The following DDX42 variants were observed in gnomAD, a reference collection of about 807,000 sequenced individuals.
The protein encoded by DDX42 is DEAD-box helicase 42, also known as ATP-dependent RNA helicase DDX42.
In DDX42, 22 loss-of-function variants were observed where a neutral mutation model predicts 101.5. That is an observed-to-expected ratio of 0.22 (90% CI 0.15 to 0.31). DDX42 has a LOEUF of 0.31. Among genes scored for constraint, DDX42 ranks in the 10% least tolerant of loss-of-function variants. The pLI, the probability that DDX42 is intolerant of heterozygous loss-of-function variation, is 1.00. For missense variants in DDX42, 849 were observed against 1,199.9 expected (o/e 0.71, Z 4.32); for synonymous variants, 402 against 401.2 (o/e 1.00, Z -0.02).
chr17:63,816,871 C>A lies in DDX42; in HGVS notation c.2017C>A (p.Arg673=). The A allele has an allele frequency of 1.2e-6, 2 of 1,610,190 alleles. No homozygotes were observed. Among genetic ancestry groups the A allele is most frequent in the South Asian group, 1.1e-5 (1 of 90,542 alleles). Residue 673 remains arginine, a synonymous_variant, in exon 17 of 18, where the codon CGA becomes AGA. Coordinates refer to ENST00000389924, the MANE Select transcript of DDX42 (RefSeq NM_203499.3). ...ATAGATGTGTTTATTTTTTTAGGAT[C>A]GAGGAAATAACAATGTAATGAGCAA... The part of the protein sequence containing the change: ...RPGLGSENMD[R]GNNNVMSNYE...
chr17:63,816,460 C>T (rs987988739), intron 16 of DDX42: 2 of 157,668 alleles, frequency 1.3e-5, no homozygotes, highest in Admixed American at 6.4e-5. Flanking sequence ...GCTGAGGCAC[C>T]TAAGGTTACA....
chr17:63,790,074 G>C (rs2039606982), intron 2 of DDX42, among the ~76,000 whole-genome samples: 1 of 152,086 alleles, frequency 6.6e-6, no homozygotes, highest in Non-Finnish European at 1.5e-5. Context: ...CTTGAGCCCA[G>C]GAGTCTGAGC....
In DDX42 at chr17:63,805,126, A is replaced by G. The variant is rs777722604; in HGVS notation, c.677A>G (p.Asn226Ser). Reference sequence around the variant, plus strand: ...TACAATGAGCATGAAGAGATAACCAACCTCACTCCACAGCAGTTAATAGAT... The same window carrying G: ...TACAATGAGCATGAAGAGATAACCAGCCTCACTCCACAGCAGTTAATAGAT... ...NFYNEHEEITNLTPQQLIDLR... is the reference protein window; with the variant it reads ...NFYNEHEEITSLTPQQLIDLR... Residue 226 changes from asparagine (N) to serine (S), a missense_variant, in exon 7 of 18, where the codon AAC becomes AGC. Asn to Ser is a conservative substitution (Grantham distance 46). Transcript: ENST00000389924. 2.5e-5 allele frequency: 41 copies of G among 1,613,202 alleles called. No homozygotes were observed. Among genetic ancestry groups the G allele is most frequent in the African/African-American group, 1.9e-4 (14 of 74,870 alleles).
At chr17:63,809,017 G>T (rs1018654210) in intron 10 of DDX42, 69 bp downstream of exon 10, 68 of 1,579,744 alleles carry the variant, frequency 4.3e-5, no homozygotes, top group Non-Finnish European at 5.6e-5. Context: ...TAGTTTTGCA[G>T]AGAATTTCCC....
chr17:63,805,218 T>C, intron 7 of DDX42, 43 bp downstream of exon 7: 1 of 1,592,158 alleles, frequency 6.3e-7, no homozygotes, highest in Non-Finnish European at 8.5e-7. Context: ...TAATGTTAAT[T>C]AGTCCAGATT....
chr17:63,787,903 T>TG, intron 2 of DDX42, among the ~76,000 whole-genome samples: 1 of 99,440 alleles, frequency 1.0e-5, no homozygotes, highest in African/African-American at 6.1e-5. Flanking sequence ...ATAATTCATG[T>TG]GGTTTTTTTT....
intron 12 of DDX42, 135 bp downstream of exon 12, chr17:63,810,695 G>GT: frequency 1.2e-6 from 1 of 825,976 alleles, no homozygotes; most frequent in Admixed American, 2.2e-5. Flanking sequence ...GAGGTAATGA[G>GT]TTTATCTGAG....
intron 13 of DDX42, 35 bp downstream of exon 13, chr17:63,811,208 G>T: frequency 6.9e-7 from 1 of 1,448,748 alleles, no homozygotes; most frequent in Non-Finnish European, 9.5e-7. Flanking sequence ...GACCTTAATG[G>T]GTTTATTTCT....
At chr17:63,782,894 C>G (rs891015120) in intron 1 of DDX42, among the ~76,000 whole-genome samples, 1 of 152,106 alleles carries the variant, frequency 6.6e-6, no homozygotes, top group African/African-American at 2.4e-5. Flanking sequence ...CTAAGCTGTT[C>G]ATCTTGGCCC....
chr17:63,779,112 A>T (rs1000874279), intron 1 of DDX42, among the ~76,000 whole-genome samples: 7 of 152,214 alleles, frequency 4.6e-5, no homozygotes, highest in Non-Finnish European at 7.4e-5. Context: ...TTATGGCTCT[A>T]TTCAGCTAAT....
chr17:63,796,819 T>G (rs1197855172), intron 3 of DDX42, among the ~76,000 whole-genome samples: 1 of 152,218 alleles, frequency 6.6e-6, no homozygotes. Context: ...GGTTCAGTCC[T>G]CCGAAAAGTA....
In DDX42 at chr17:63,787,249, C is replaced by T; in HGVS notation, c.200C>T (p.Ala67Val). The T allele has an allele frequency of 6.2e-7, 1 of 1,614,096 alleles. No homozygotes were observed. Among genetic ancestry groups the T allele is most frequent in the Non-Finnish European group, 8.5e-7 (1 of 1,180,006 alleles). ...PSFYKIGSKR[A>V]NFDEENAYFE... ...TTCTACAAAATTGGATCTAAGCGGG[C>T]CAACTTTGATGAAGAAAATGCGTAA... is the stretch of plus-strand genomic sequence containing the variant. Residue 67 changes from alanine to valine, a missense_variant, in exon 2 of 18, where the codon GCC (alanine) becomes GTC (valine). Coordinates refer to ENST00000389924, the MANE Select transcript of DDX42 (RefSeq NM_203499.3).
chr17:63,797,048 A>G (rs575005474), intron 3 of DDX42, among the ~76,000 whole-genome samples: 16 of 152,308 alleles, frequency 1.1e-4, no homozygotes, highest in African/African-American at 3.6e-4. Flanking sequence ...TTGATTTTCA[A>G]ATGTATAATG....
rs554515048 is a variant in DDX42 at position 63,779,388 on chromosome 17, C to T, written c.-17+5012C>T. Among the ~76,000 whole-genome samples the T allele has an allele frequency of 7.9e-5, 12 of 152,198 alleles. No individual in the cohort carries two copies. The South Asian group carries it at 2.3e-3, about 29-fold the overall frequency. On this transcript the variant is annotated intron_variant, in intron 1 of 17. Transcript: ENST00000389924. ...AGGCCATCCTCCCACCTCAACCTCCCGAGTAGCTGGGGCTACAGGTGCACA... is the reference window on the plus strand; with the variant it reads ...AGGCCATCCTCCCACCTCAACCTCCTGAGTAGCTGGGGCTACAGGTGCACA...
At chr17:63,792,063 T>C (rs976363812) in intron 2 of DDX42, among the ~76,000 whole-genome samples, 1 of 151,554 alleles carries the variant, frequency 6.6e-6, no homozygotes, top group African/African-American at 2.4e-5. Context: ...AAAAAAAGTT[T>C]TCTTTTTTCC....
intron 17 of DDX42, 192 bp downstream of exon 17, chr17:63,817,158 T>C: frequency 1.8e-6 from 1 of 550,248 alleles, no homozygotes; most frequent in Non-Finnish European, 3.2e-6. Context: ...AGAGAACCCC[T>C]TGTGCTGGTC....
At chr17:63,781,890 G>C (rs2039492440) in intron 1 of DDX42, among the ~76,000 whole-genome samples, 1 of 152,036 alleles carries the variant, frequency 6.6e-6, no homozygotes, top group Non-Finnish European at 1.5e-5. Context: ...GGTGCCTGTA[G>C]TCCCAGCTAC....
At chr17:63,804,165 C>G (rs1056997595) in intron 6 of DDX42, among the ~76,000 whole-genome samples, 11 of 151,468 alleles carry the variant, frequency 7.3e-5, no homozygotes, top group Non-Finnish European at 1.5e-5. Flanking sequence ...AGTTTAAGAA[C>G]CAGGCATGGT....
chr17:63,793,856 T>TTATATATATATATATATA (rs138103837), intron 3 of DDX42, among the ~76,000 whole-genome samples: 1 of 70,684 alleles, frequency 1.4e-5, no homozygotes, highest in African/African-American at 8.1e-5. Flanking sequence ...GCAGAAAAAT[T>TTATATATATATATATATA]TATATATATA....
Sources: allele counts gnomAD v4.1 joint callset (sites outside exome capture counted in the v4.1 genomes callset), GRCh38; gene constraint gnomAD v4.1.1; transcripts MANE v1.5; gene names NCBI Gene and HGNC (gene_info 2026-07-23, HGNC 2026-07-21).